Variants in LSAMP observed in about 807,000 individuals in gnomAD.
The protein encoded by LSAMP is limbic system-associated membrane protein.
In LSAMP, 7 loss-of-function variants were observed where a neutral mutation model predicts 38.6. The ratio of observed to expected loss-of-function variants is 0.18; its 90% CI spans 0.10 to 0.34. LSAMP has a LOEUF of 0.34. Ranked by LOEUF, LSAMP falls within the 10% of genes least tolerant of loss-of-function variation. The pLI, the probability that LSAMP is intolerant of heterozygous loss-of-function variation, is 1.00. For synonymous variants in LSAMP, 154 were observed against 166.8 expected, an observed-to-expected ratio of 0.92 and a Z score of 0.59; for missense variants, 313 against 420.0, an observed-to-expected ratio of 0.75 and a Z score of 2.23.
chr3:116,209,683 G>A (rs1443341353), intron 1 of LSAMP, among the ~76,000 whole-genome samples: 1 of 151,968 alleles, frequency 6.6e-6, no homozygotes, highest in Admixed American at 6.6e-5. Flanking sequence ...TGACTTGGCT[G>A]GTATTTCATC....
At chr3:116,250,780 G>T (rs1311040609) in intron 1 of LSAMP, among the ~76,000 whole-genome samples, 11 of 152,160 alleles carry the variant, frequency 7.2e-5, no homozygotes, top group Non-Finnish European at 1.6e-4. Context: ...TGAGGTAGGG[G>T]ATCACTTGGG....
At chr3:116,429,801 G>C (rs1276838740) in intron 1 of LSAMP, among the ~76,000 whole-genome samples, 1 of 152,098 alleles carries the variant, frequency 6.6e-6, no homozygotes, top group African/African-American at 2.4e-5. Context: ...ATTTGCAGAC[G>C]ACATCATGTT....
intron 1 of LSAMP, among the ~76,000 whole-genome samples, chr3:116,227,854 A>T: frequency 6.6e-6 from 1 of 152,156 alleles, no homozygotes; most frequent in Admixed American, 6.6e-5. Context: ...CTGATTTTAA[A>T]CATAGAAATT....
intron 1 of LSAMP, among the ~76,000 whole-genome samples, chr3:116,345,310 CTATAGT>C (rs1029445436): frequency 4.6e-5 from 7 of 152,134 alleles, no homozygotes; most frequent in African/African-American, 1.7e-4. Context: ...TATCATTATA[CTATAGT>C]TATAAAGTAA....
At chr3:116,102,823 T>G (rs1156623393) in intron 1 of LSAMP, among the ~76,000 whole-genome samples, 2 of 145,868 alleles carry the variant, frequency 1.4e-5, no homozygotes, top group African/African-American at 5.6e-5. Flanking sequence ...TGGGTTTTGT[T>G]TCTCTGAAGA....
chr3:116,028,003 C>T (rs1940833466), intron 2 of LSAMP, among the ~76,000 whole-genome samples: 1 of 152,116 alleles, frequency 6.6e-6, no homozygotes, highest in Non-Finnish European at 1.5e-5. Context: ...TAAAGAAACA[C>T]CACCAACTCC....
chr3:116,342,349 T>A (rs915703704), intron 1 of LSAMP, among the ~76,000 whole-genome samples: 2 of 152,058 alleles, frequency 1.3e-5, no homozygotes, highest in East Asian at 3.9e-4. Flanking sequence ...AAATCTTTCT[T>A]TTGATTATCA....
intron 1 of LSAMP, among the ~76,000 whole-genome samples, chr3:116,184,132 C>T (rs1710554278): frequency 1.3e-5 from 2 of 151,850 alleles, no homozygotes; most frequent in Non-Finnish European, 2.9e-5. Flanking sequence ...GATTAGAAGG[C>T]TCTGAAATCA....
intron 1 of LSAMP, among the ~76,000 whole-genome samples, chr3:116,429,398 C>T (rs1320771884): frequency 6.6e-6 from 1 of 152,056 alleles, no homozygotes; most frequent in Non-Finnish European, 1.5e-5. Context: ...AGATGACTGC[C>T]ATTTGTTGGT....
At chr3:116,259,624 C>T (rs1337375890) in intron 1 of LSAMP, among the ~76,000 whole-genome samples, 1 of 152,226 alleles carries the variant, frequency 6.6e-6, no homozygotes, top group Non-Finnish European at 1.5e-5. Context: ...GTAGTTTTAA[C>T]TTAGAAGGCA....
intron 1 of LSAMP, among the ~76,000 whole-genome samples, chr3:116,418,280 A>C (rs2049077183): frequency 6.6e-6 from 1 of 152,176 alleles, no homozygotes; most frequent in Non-Finnish European, 1.5e-5. Context: ...TGGCCAGCAA[A>C]AATGGTCTAT....
intron 3 of LSAMP, among the ~76,000 whole-genome samples, chr3:115,963,902 C>T (rs995129461): frequency 3.9e-5 from 6 of 152,128 alleles, no homozygotes; most frequent in Non-Finnish European, 8.8e-5. Flanking sequence ...CACGGGCTCA[C>T]ACCACCACAC....
chr3:116,238,302 T>C (rs903635805), intron 1 of LSAMP, among the ~76,000 whole-genome samples: 2 of 152,224 alleles, frequency 1.3e-5, no homozygotes, highest in African/African-American at 4.8e-5. Context: ...ACCTAAGCTG[T>C]TTTAGTCATT....
intron 1 of LSAMP, among the ~76,000 whole-genome samples, chr3:116,329,303 A>T (rs1576132012): frequency 6.6e-6 from 1 of 152,260 alleles, no homozygotes; most frequent in East Asian, 1.9e-4. Context: ...GCTCATGTGT[A>T]AGTAGAGAAG....
chr3:116,209,396 G>A (rs1294429187), intron 1 of LSAMP, among the ~76,000 whole-genome samples: 2 of 152,222 alleles, frequency 1.3e-5, no homozygotes, highest in African/African-American at 4.8e-5. Context: ...GACCGGAGCT[G>A]TTCCTGTTCA....
intron 1 of LSAMP, among the ~76,000 whole-genome samples, chr3:116,137,309 GT>G (rs1479668636): frequency 2.0e-5 from 3 of 151,998 alleles, no homozygotes; most frequent in African/African-American, 7.2e-5. Flanking sequence ...GAGGATCCAG[GT>G]GGACATCTTT....
chr3:115,948,704 C>T (rs1938185372), intron 3 of LSAMP, among the ~76,000 whole-genome samples: 1 of 152,176 alleles, frequency 6.6e-6, no homozygotes, highest in Non-Finnish European at 1.5e-5. Flanking sequence ...GACAATGTAA[C>T]ATCACACCTC....
chr3:115,893,441 T>A (rs1431702333), intron 3 of LSAMP, among the ~76,000 whole-genome samples: 1 of 152,064 alleles, frequency 6.6e-6, no homozygotes, highest in Non-Finnish European at 1.5e-5. Context: ...TTAGCTGTTG[T>A]AGCTCATATA....
At chr3:115,871,008 C>T (rs762632508) in intron 3 of LSAMP, among the ~76,000 whole-genome samples, 8 of 152,006 alleles carry the variant, frequency 5.3e-5, no homozygotes, top group Non-Finnish European at 1.2e-4. Context: ...GGCAAGCTCC[C>T]AACAAGAAGA....
Sources: gnomAD v4.1 joint callset for allele counts (sites outside exome capture counted in the v4.1 genomes callset) on GRCh38, gnomAD v4.1.1 for gene constraint, MANE v1.5 for transcripts, NCBI Gene and HGNC (gene_info 2026-07-23, HGNC 2026-07-21) for gene names.